The following EFCAB11 variants were observed in gnomAD, a reference collection of about 807,000 sequenced individuals.
EFCAB11 encodes EF-hand calcium binding domain 11, also known as EF-hand calcium-binding domain-containing protein 11.
In EFCAB11, 14 loss-of-function variants were observed where a neutral mutation model predicts 23.0. The ratio of observed to expected loss-of-function variants is 0.61; its 90% CI spans 0.40 to 0.95. EFCAB11 has a LOEUF of 0.95. EFCAB11 is among the 40% of genes least tolerant of loss of function. The probability of loss-of-function intolerance (pLI) is 0.00; values close to 1 mark genes in which losing one functional copy is unlikely to be tolerated. For missense variants in EFCAB11, 198 were observed against 195.8 expected (o/e 1.01, Z -0.07); for synonymous variants, 65 against 66.6 (o/e 0.98, Z 0.11).
chr14:89,880,090 A>G (rs1231681616), intron 5 of EFCAB11, among the ~76,000 whole-genome samples: 5 of 152,158 alleles, frequency 3.3e-5, no homozygotes, highest in Non-Finnish European at 7.4e-5. Context: ...TTACTGTATG[A>G]CTCGGCTATG....
At chr14:89,892,368 G>A in intron 5 of EFCAB11, 1 of 1,610,892 alleles carries the variant, frequency 6.2e-7, no homozygotes, top group Middle Eastern at 1.7e-4. Flanking sequence ...GGCTTGGGGG[G>A]TGTCCGGCTC....
intron 2 of EFCAB11, 104 bp from the exon 3 acceptor site, chr14:89,950,246 C>G: frequency 2.4e-6 from 3 of 1,255,072 alleles, no homozygotes; most frequent in Non-Finnish European, 3.2e-6. Context: ...TATGAGAAAC[C>G]AAGTCTGTTG....
At chr14:89,871,121 A>T (rs908979293) in intron 5 of EFCAB11, among the ~76,000 whole-genome samples, 7 of 152,104 alleles carry the variant, frequency 4.6e-5, no homozygotes, top group Non-Finnish European at 8.8e-5. Flanking sequence ...AGTTTGATTA[A>T]ATCCTGTGAA....
Position 89,950,093 on chromosome 14 carries a change from T to A in EFCAB11, c.217+4A>T, listed in dbSNP as rs1047326281. On this transcript the variant is annotated splice_donor_region_variant and intron_variant, in intron 3 of 5. Transcript: ENST00000316738. ...CTAAAAATTAATATTAACTTTCATA[T>A]TACCAGAAGTATTTGGATTTATTGA... 7.1e-6 allele frequency: 11 copies of A among 1,548,538 alleles called. No homozygotes were observed. Among genetic ancestry groups the A allele is most frequent in the Non-Finnish European group, 7.9e-6 (9 of 1,134,800 alleles).
chr14:89,922,935 G>A (rs957165303), intron 5 of EFCAB11, among the ~76,000 whole-genome samples: 59 of 152,316 alleles, frequency 3.9e-4, no homozygotes, highest in African/African-American at 1.3e-3. Flanking sequence ...CTTAACAGCT[G>A]GGCCTTGAAG....
intron 5 of EFCAB11, among the ~76,000 whole-genome samples, chr14:89,909,192 G>C (rs1042835002): frequency 2.0e-5 from 3 of 152,154 alleles, no homozygotes; most frequent in Non-Finnish European, 1.5e-5. Context: ...AGGCTGAGTT[G>C]GGAAAACGGT....
intron 5 of EFCAB11, among the ~76,000 whole-genome samples, chr14:89,861,839 T>C (rs1887934043): frequency 6.6e-6 from 1 of 152,216 alleles, no homozygotes; most frequent in South Asian, 2.1e-4. Context: ...CAGATGCTGG[T>C]ACCATGTTCT....
chr14:89,904,435 T>G (rs990842537), intron 5 of EFCAB11, among the ~76,000 whole-genome samples: 1 of 152,202 alleles, frequency 6.6e-6, no homozygotes, highest in Non-Finnish European at 1.5e-5. Flanking sequence ...ACAATAAACA[T>G]ACGTGTGCAT....
At chr14:89,860,827 A>G (rs1887898693) in intron 5 of EFCAB11, among the ~76,000 whole-genome samples, 1 of 152,234 alleles carries the variant, frequency 6.6e-6, no homozygotes. Flanking sequence ...GCATTTTGTA[A>G]CATAATGCTA....
chr14:89,900,245 C>A lies in EFCAB11; in HGVS notation c.410+31296G>T, dbSNP rs116659596. Among the ~76,000 whole-genome samples the A allele has an allele frequency of 3.1e-3, 478 of 151,984 alleles. 5 individuals are homozygous for A. Among genetic ancestry groups the A allele is most frequent in the African/African-American group, 0.011 (464 of 41,448 alleles). Reference sequence around the variant, plus strand: ...TATATAAGGTATAAAAATAAGCAAACCAATACTCTGTACTATTTAAGATAT... The same window carrying A: ...TATATAAGGTATAAAAATAAGCAAAACAATACTCTGTACTATTTAAGATAT... On this transcript the variant is annotated intron_variant, in intron 5 of 5. Coordinates refer to ENST00000316738, the MANE Select transcript of EFCAB11 (RefSeq NM_145231.4).
chr14:89,803,391 C>T (rs1041562506), intron 5 of EFCAB11, among the ~76,000 whole-genome samples: 4 of 152,106 alleles, frequency 2.6e-5, no homozygotes, highest in African/African-American at 4.8e-5. Flanking sequence ...GGTAATAGGG[C>T]GTGTGCCAGA....
chr14:89,910,681 C>T (rs1261961441), intron 5 of EFCAB11, among the ~76,000 whole-genome samples: 1 of 152,086 alleles, frequency 6.6e-6, no homozygotes, highest in South Asian at 2.1e-4. Context: ...AGTTTCGTCA[C>T]TGAATGTTTA....
At chr14:89,824,246 A>G (rs943407957) in intron 5 of EFCAB11, among the ~76,000 whole-genome samples, 1 of 152,196 alleles carries the variant, frequency 6.6e-6, no homozygotes, top group African/African-American at 2.4e-5. Context: ...ATCAGACACC[A>G]TGGGAACCAG....
chr14:89,857,124 C>A (rs1887777643), intron 5 of EFCAB11, among the ~76,000 whole-genome samples: 1 of 152,238 alleles, frequency 6.6e-6, no homozygotes, highest in South Asian at 2.1e-4. Context: ...GGGCTGCACT[C>A]AAGTTTTCCA....
intron 5 of EFCAB11, chr14:89,924,663 G>A: frequency 6.5e-7 from 1 of 1,535,776 alleles, no homozygotes; most frequent in Non-Finnish European, 8.7e-7. Context: ...GTTAAATCAT[G>A]CACTGAAAAT....
At chr14:89,895,107 G>T (rs111595290) in intron 5 of EFCAB11, among the ~76,000 whole-genome samples, 4,574 of 152,192 alleles carry the variant, frequency 0.03, 101 homozygotes, top group African/African-American at 0.062. Flanking sequence ...TCAAAAGACT[G>T]CTGTAAAAAC....
chr14:89,817,502 T>C (rs532166130), intron 5 of EFCAB11, among the ~76,000 whole-genome samples: 35 of 152,272 alleles, frequency 2.3e-4, no homozygotes, highest in Admixed American at 7.2e-4. Context: ...GCCTGGGTGA[T>C]AGAGCTGAGA....
At chr14:89,909,708 A>C (rs1034372545) in intron 5 of EFCAB11, among the ~76,000 whole-genome samples, 4 of 152,206 alleles carry the variant, frequency 2.6e-5, no homozygotes, top group African/African-American at 9.7e-5. Flanking sequence ...CTATCTCTCC[A>C]GTCTCATCAC....
intron 2 of EFCAB11, 121 bp from the exon 3 acceptor site, chr14:89,950,263 G>A (rs45463491): frequency 0.03 from 30,994 of 1,031,864 alleles, 866 homozygotes; most frequent in African/African-American, 0.11. Context: ...GTTGAACCAA[G>A]CAGACAAGTA....
Sources: allele counts gnomAD v4.1 joint callset (sites outside exome capture counted in the v4.1 genomes callset), GRCh38; gene constraint gnomAD v4.1.1; transcripts MANE v1.5; gene names NCBI Gene and HGNC (gene_info 2026-07-23, HGNC 2026-07-21).